The following ZNF451 variants were observed in gnomAD, a reference collection of about 807,000 sequenced individuals.
The protein encoded by ZNF451 is E3 SUMO-protein ligase ZNF451.
Under a neutral mutation model 107.1 loss-of-function variants are expected in ZNF451, and 80 were observed. That is an observed-to-expected ratio of 0.75 (90% CI 0.62 to 0.90). ZNF451 has a LOEUF of 0.90. Ranked by LOEUF, ZNF451 falls within the 40% of genes least tolerant of loss-of-function variation. The probability of loss-of-function intolerance (pLI) is 0.00; values close to 1 mark genes in which losing one functional copy is unlikely to be tolerated. For synonymous variants in ZNF451, 362 were observed against 406.5 expected, an observed-to-expected ratio of 0.89 and a Z score of 1.32; for missense variants, 1,107 against 1,236.2, an observed-to-expected ratio of 0.90 and a Z score of 1.57.
At chr6:57,105,055 A>G (rs986413884) in intron 3 of ZNF451, 1 of 985,206 alleles carries the variant, frequency 1.0e-6, no homozygotes. Context: ...TATAAAACTT[A>G]AAGTGAGGAT....
intron 3 of ZNF451, among the ~76,000 whole-genome samples, chr6:57,118,060 A>G (rs1467370831): frequency 1.3e-5 from 2 of 152,186 alleles, no homozygotes; most frequent in African/African-American, 4.8e-5. Context: ...ATGTTTGATT[A>G]GGAAATATTT....
intron 11 of ZNF451, 159 bp from the exon 12 acceptor site, chr6:57,152,062 A>G (rs1274239509): frequency 1.8e-6 from 1 of 571,020 alleles, no homozygotes; most frequent in Non-Finnish European, 2.9e-6. Flanking sequence ...TTAAAGCAAC[A>G]AGATGTTGAT....
intron 13 of ZNF451, chr6:57,159,525 G>GTTT (rs369246650): frequency 4.9e-4 from 66 of 135,492 alleles, no homozygotes; most frequent in Non-Finnish European, 8.4e-4. Context: ...CATTATAAGA[G>GTTT]TTTTTTTTTT....
At chr6:57,155,847 C>T in intron 13 of ZNF451, among the ~76,000 whole-genome samples, 1 of 138,296 alleles carries the variant, frequency 7.2e-6, no homozygotes, top group Non-Finnish European at 1.5e-5. Flanking sequence ...TTTAATCACT[C>T]ATACTCAGTA....
At position 57,133,196 on chromosome 6, in the gene ZNF451, A is replaced by C; in HGVS notation, c.575+4A>C. The C allele has an allele frequency of 6.2e-7, 1 of 1,613,068 alleles. No homozygotes were observed. Among genetic ancestry groups the C allele is most frequent in the East Asian group, 2.2e-5 (1 of 44,844 alleles). On this transcript the variant is annotated splice_donor_region_variant and intron_variant, in intron 6 of 14. Coordinates refer to ENST00000370706, the MANE Select transcript of ZNF451 (RefSeq NM_001031623.3). ...TTCTCTTAGGACATTTGAAAAGGTA[A>C]GTAGGATATTCATAATAGTGAATGC...
intron 3 of ZNF451, among the ~76,000 whole-genome samples, chr6:57,114,156 A>C (rs1393280509): frequency 6.6e-6 from 1 of 152,200 alleles, no homozygotes; most frequent in African/African-American, 2.4e-5. Flanking sequence ...CCTTTTGAGC[A>C]CATTTGTTAA....
rs747032867 is a variant in ZNF451, at chr6:57,148,110, C to G, written c.2025C>G (p.Ile675Met). 2 of 1,614,020 alleles carry G rather than the reference C, an allele frequency of 1.2e-6. No individual in the cohort carries two copies. Among genetic ancestry groups the G allele is most frequent in the East Asian group, 2.2e-5 (1 of 44,874 alleles). ...ACTTCTGTGGGCTTTGTGATCTTAT[C>G]TTTAATGTGGAAGAAGCATTTCTGA... ...IKYFCGLCDL[I>M]FNVEEAFLSH... Residue 675 changes from isoleucine to methionine, a missense_variant, in exon 10 of 15, where the codon ATC becomes ATG. Ile to Met is a conservative substitution (Grantham distance 10). Around this residue, in one of 5 missense-constraint regions of ZNF451, gnomAD observed 608 missense variants for 649.2 expected, o/e 0.94. Coordinates refer to ENST00000370706, the MANE Select transcript of ZNF451 (RefSeq NM_001031623.3).
intron 5 of ZNF451, among the ~76,000 whole-genome samples, chr6:57,129,450 A>T (rs1201114110): frequency 6.6e-6 from 1 of 152,182 alleles, no homozygotes; most frequent in Admixed American, 6.6e-5. Context: ...GTCTTGAAGA[A>T]TATCTACTGA....
At chr6:57,105,339 G>A (rs955177369) in intron 3 of ZNF451, 1 of 983,564 alleles carries the variant, frequency 1.0e-6, no homozygotes, top group Non-Finnish European at 1.2e-6. Context: ...ATGGTTTCTT[G>A]TAGTTACTGT....
At chr6:57,138,729 ATATATATATATATGTGTGTG>A (rs1288999007) in intron 7 of ZNF451, among the ~76,000 whole-genome samples, 1 of 114,120 alleles carries the variant, frequency 8.8e-6, no homozygotes, top group Non-Finnish European at 1.8e-5. Flanking sequence ...ATATATATAT[ATATATATATATATGTGTGTG>A]TGTGTGTGTG....
At chr6:57,122,801 G>A (rs907886421) in intron 3 of ZNF451, among the ~76,000 whole-genome samples, 8 of 152,184 alleles carry the variant, frequency 5.3e-5, no homozygotes, top group Admixed American at 1.3e-4. Flanking sequence ...CATCTCCTGT[G>A]GAAAGCAGTT....
rs140160169 is a variant in ZNF451, at chr6:57,147,641, G to A, written c.1556G>A (p.Arg519Gln). The A allele has an allele frequency of 3.1e-6, 5 of 1,613,992 alleles. No individual in the cohort carries two copies. Among genetic ancestry groups the A allele is most frequent in the African/African-American group, 2.7e-5 (2 of 74,914 alleles). The part of the protein sequence containing the change: ...DSGVIRLHMS[R>Q]IHGGAHLNNF... The stretch of plus-strand genomic sequence containing the variant: ...GGGGTCATTCGTTTACACATGAGCC[G>A]GATTCACGGAGGGGCACATTTAAAT... The change falls in exon 10 of 15, where the codon CGG becomes CAG. Residue 519 changes from arginine to glutamine, a missense_variant. Arg to Gln is a conservative substitution (Grantham distance 43, BLOSUM62 1). This residue lies in a region of ZNF451 where 608 missense variants were observed against 649.2 expected (regional missense o/e 0.94). Transcript: ENST00000370706.
intron 3 of ZNF451, chr6:57,109,194 T>C (rs535046676): frequency 2.2e-4 from 213 of 985,318 alleles, no homozygotes; most frequent in Non-Finnish European, 2.5e-4. Context: ...TTCGTAGTCA[T>C]TGGTTTCTGT....
At position 57,148,547 on chromosome 6, in the gene ZNF451, C is replaced by T. The variant is rs1261906884; in HGVS notation, c.2462C>T (p.Ala821Val). 1.2e-6 allele frequency: 2 copies of T among 1,614,114 alleles called. No individual in the cohort carries two copies. The highest frequency in any genetic ancestry group is 1.1e-5 in the South Asian group (1 of 91,076). ...KHCFLQKPSV[A>V]HFGSEKSNLY... Reference sequence around the variant, plus strand: ...TGCTTCTTACAGAAACCCAGTGTGGCTCATTTTGGATCTGAAAAATCAAAC... The same window carrying T: ...TGCTTCTTACAGAAACCCAGTGTGGTTCATTTTGGATCTGAAAAATCAAAC... The change falls in exon 10 of 15, where the codon GCT becomes GTT. Residue 821 changes from alanine (A) to valine (V), a missense_variant. Physicochemically the swap from Ala to Val is moderately conservative, Grantham distance 64 (BLOSUM62 0). Transcript: ENST00000370706.
chr6:57,100,775 A>G, intron 3 of ZNF451: 2 of 1,549,960 alleles, frequency 1.3e-6, no homozygotes, highest in African/African-American at 2.7e-5. Flanking sequence ...TTGGAGAACC[A>G]GAAAAATGAT....
rs1432289125 is a variant in ZNF451, at chr6:57,133,133, T to C, written c.516T>C (p.Pro172=). The part of the protein sequence containing the change: ...TWVSGKPILC[P]IMHCNKEFDN... Reference sequence around the variant, plus strand: ...TGTCTGGGAAACCAATTTTATGTCCTATAATGCACTGTAACAAGGAGTTTG... The same window carrying C: ...TGTCTGGGAAACCAATTTTATGTCCCATAATGCACTGTAACAAGGAGTTTG... Residue 172 remains proline, a synonymous_variant, in exon 6 of 15, where the codon CCT becomes CCC. Transcript: ENST00000370706. 3 of 1,614,146 alleles carry C rather than the reference T, an allele frequency of 1.9e-6. No homozygotes were observed. The South Asian group carries it at 3.3e-5, about 18-fold the overall frequency.
chr6:57,159,893 T>C (rs1763593144), intron 13 of ZNF451, among the ~76,000 whole-genome samples: 1 of 152,186 alleles, frequency 6.6e-6, no homozygotes, highest in Non-Finnish European at 1.5e-5. Flanking sequence ...AACAAATATG[T>C]CTATATGATT....
chr6:57,164,860 A>C (rs1763827375), intron 14 of ZNF451: 1 of 152,204 alleles, frequency 6.6e-6, no homozygotes, highest in Non-Finnish European at 1.5e-5. Flanking sequence ...AGCTAGCCAC[A>C]GAATAGAAAA....
chr6:57,121,061 A>T (rs1830614373), intron 3 of ZNF451, among the ~76,000 whole-genome samples: 2 of 152,082 alleles, frequency 1.3e-5, no homozygotes, highest in Admixed American at 1.3e-4. Flanking sequence ...ATTTTTGTGA[A>T]GGGTGTAAGG....
Sources: gnomAD v4.1 joint callset for allele counts (sites outside exome capture counted in the v4.1 genomes callset) on GRCh38, gnomAD v4.1.1 for gene constraint, gnomAD v4.1.1 regional missense constraint, MANE v1.5 for transcripts, NCBI Gene and HGNC (gene_info 2026-07-23, HGNC 2026-07-21) for gene names.